Variants in ADGRL3 observed in about 807,000 individuals in gnomAD.
ADGRL3 encodes the protein calcium-independent alpha-latrotoxin receptor 3.
ADGRL3 carries 62 observed loss-of-function variants against 153.5 expected under a neutral mutation model. That is an observed-to-expected ratio of 0.40 (90% CI 0.33 to 0.50). The LOEUF (loss-of-function observed/expected upper bound fraction) is 0.50, where lower values mean the gene tolerates loss of function less well. Ranked by LOEUF, ADGRL3 falls within the 20% of genes least tolerant of loss-of-function variation. The pLI is 0.47. For synonymous variants in ADGRL3, 710 were observed against 672.5 expected (o/e 1.06, Z -0.86); for missense variants, 1,641 against 1,859.4 (o/e 0.88, Z 2.16).
chr4:61,242,834 T>TTTTA (rs1248384745), intron 1 of ADGRL3, among the ~76,000 whole-genome samples: 1 of 152,104 alleles, frequency 6.6e-6, no homozygotes, highest in Non-Finnish European at 1.5e-5. Context: ...CATTATTTAA[T>TTTTA]TTTAATATTT....
At chr4:62,002,746 A>T (rs2099144871) in intron 21 of ADGRL3, among the ~76,000 whole-genome samples, 1 of 152,138 alleles carries the variant, frequency 6.6e-6, no homozygotes, top group Non-Finnish European at 1.5e-5. Context: ...TAGAGGAAAG[A>T]ATTCCAATCA....
chr4:61,560,934 C>T (rs890673229), intron 4 of ADGRL3, among the ~76,000 whole-genome samples: 9 of 151,906 alleles, frequency 5.9e-5, no homozygotes, highest in Admixed American at 6.6e-5. Flanking sequence ...GTCATGGTAA[C>T]GGGTCGCTAA....
chr4:61,285,368 G>A (rs745844631), intron 1 of ADGRL3, among the ~76,000 whole-genome samples: 49 of 151,914 alleles, frequency 3.2e-4, no homozygotes, highest in Middle Eastern at 3.4e-3. Context: ...AACTACTTCA[G>A]TAATTTTCTT....
intron 1 of ADGRL3, among the ~76,000 whole-genome samples, chr4:61,314,188 C>G (rs1196972900): frequency 6.6e-6 from 1 of 151,246 alleles, no homozygotes; most frequent in Non-Finnish European, 1.5e-5. Context: ...TTTGTTTTAT[C>G]TGAGTATACC....
Position 62,044,273 on chromosome 4 carries a change from A to G in ADGRL3, c.3718-180A>G, listed in dbSNP as rs139713144. On this transcript the variant is annotated intron_variant, in intron 24 of 26. Transcript: ENST00000683033. ...GGAATACAGTTAATGAGAACCATAT[A>G]TTATCATGAAAGTTATTTCTGATGT... 1.3e-3 allele frequency among the ~76,000 whole-genome samples: 197 copies of G among 152,212 alleles called. 1 individual carries two copies. The highest frequency in any genetic ancestry group is 4.6e-3 in the African/African-American group (190 of 41,562).
chr4:61,781,688 T>C (rs1263928430), intron 8 of ADGRL3, among the ~76,000 whole-genome samples: 1 of 152,204 alleles, frequency 6.6e-6, no homozygotes, highest in African/African-American at 2.4e-5. Context: ...ATTCTGATAT[T>C]ATTCCTGTTT....
intron 5 of ADGRL3, among the ~76,000 whole-genome samples, chr4:61,591,201 C>T (rs538283950): frequency 6.6e-6 from 1 of 152,194 alleles, no homozygotes; most frequent in South Asian, 2.1e-4. Flanking sequence ...TACTTTTTGT[C>T]CGGCTTCTCT....
chr4:62,029,811 TC>T (rs1720968431), intron 22 of ADGRL3, among the ~76,000 whole-genome samples: 1 of 151,412 alleles, frequency 6.6e-6, no homozygotes, highest in Non-Finnish European at 1.5e-5. Context: ...AAGTATTTGA[TC>T]CTATTATTTT....
chr4:61,432,570 C>CTCT (rs2097369347), intron 2 of ADGRL3, among the ~76,000 whole-genome samples: 3 of 71,534 alleles, frequency 4.2e-5, no homozygotes, highest in Admixed American at 1.4e-4. Flanking sequence ...TTTTCTTTCT[C>CTCT]TTCCTTTCTT....
chr4:61,469,564 G>A (rs1454318323), intron 2 of ADGRL3, among the ~76,000 whole-genome samples: 1 of 151,860 alleles, frequency 6.6e-6, no homozygotes, highest in Non-Finnish European at 1.5e-5. Flanking sequence ...GCTCTCTTAG[G>A]CATTTCAAGT....
At chr4:61,347,653 A>T (rs1168157987) in intron 1 of ADGRL3, among the ~76,000 whole-genome samples, 1 of 146,874 alleles carries the variant, frequency 6.8e-6, no homozygotes, top group African/African-American at 2.6e-5. Flanking sequence ...GTTGGACCCT[A>T]GAAAACTGTG....
chr4:61,740,372 T>C (rs113219955), intron 8 of ADGRL3, among the ~76,000 whole-genome samples: 61 of 152,308 alleles, frequency 4.0e-4, no homozygotes, highest in African/African-American at 1.4e-3. Context: ...TCTATCCTGA[T>C]ACAGCTGGTG....
chr4:61,999,643 A>T (rs187766172), intron 21 of ADGRL3, among the ~76,000 whole-genome samples: 16 of 152,312 alleles, frequency 1.1e-4, no homozygotes, highest in Non-Finnish European at 2.4e-4. Context: ...GATAGCAATT[A>T]TGTCACCCAT....
chr4:61,811,178 G>C (rs2097612486), intron 8 of ADGRL3, among the ~76,000 whole-genome samples: 1 of 152,058 alleles, frequency 6.6e-6, no homozygotes, highest in Non-Finnish European at 1.5e-5. Context: ...TTTGTACATA[G>C]AGGCTCAAAG....
chr4:61,362,030 T>A (rs2096290860), intron 1 of ADGRL3, among the ~76,000 whole-genome samples: 1 of 149,288 alleles, frequency 6.7e-6, no homozygotes, highest in African/African-American at 2.5e-5. Context: ...TGCAACAGAG[T>A]CTTGCTCTGT....
At chr4:61,951,818 T>G (rs558530147) in intron 17 of ADGRL3, among the ~76,000 whole-genome samples, 1 of 152,150 alleles carries the variant, frequency 6.6e-6, no homozygotes, top group South Asian at 2.1e-4. Flanking sequence ...TGAGCTGAGA[T>G]CAACCACTGC....
intron 1 of ADGRL3, among the ~76,000 whole-genome samples, chr4:61,301,356 T>C (rs2094575927): frequency 6.6e-6 from 1 of 152,192 alleles, no homozygotes; most frequent in South Asian, 2.1e-4. Context: ...TTAAGAAATA[T>C]TGTCTGTACT....
chr4:61,586,402 A>G (rs561277443), intron 4 of ADGRL3, among the ~76,000 whole-genome samples: 1 of 152,222 alleles, frequency 6.6e-6, no homozygotes, highest in South Asian at 2.1e-4. Context: ...TATGAGATGT[A>G]GCCATTAAAA....
At chr4:61,860,446 A>G (rs924292296) in intron 9 of ADGRL3, among the ~76,000 whole-genome samples, 58 of 152,120 alleles carry the variant, frequency 3.8e-4, no homozygotes, top group African/African-American at 1.4e-3. Flanking sequence ...GGAAAAATGA[A>G]CAAATTTGCC....
Sources: allele counts gnomAD v4.1 joint callset (sites outside exome capture counted in the v4.1 genomes callset), GRCh38; gene constraint gnomAD v4.1.1; transcripts MANE v1.5; gene names NCBI Gene and HGNC (gene_info 2026-07-23, HGNC 2026-07-21).